SORCS2: variants seen among roughly 807,000 people sequenced by gnomAD.
SORCS2 encodes sortilin related VPS10 domain containing receptor 2, also known as VPS10 domain-containing receptor SorCS2.
A neutral mutation model predicts 141.6 loss-of-function variants in SORCS2; 100 were observed. The ratio of observed to expected loss-of-function variants is 0.71; its 90% CI spans 0.60 to 0.83. SORCS2 has a LOEUF of 0.83. Among genes scored for constraint, SORCS2 ranks in the 40% least tolerant of loss-of-function variants. The pLI, the probability that SORCS2 is intolerant of heterozygous loss-of-function variation, is 0.00. For synonymous variants in SORCS2, 789 were observed against 676.9 expected (o/e 1.17, Z -2.57); for missense variants, 1,646 against 1,560.2 (o/e 1.05, Z -0.93).
chr4:7,301,056 G>T (rs1021331325), intron 1 of SORCS2, among the ~76,000 whole-genome samples: 1 of 152,128 alleles, frequency 6.6e-6, no homozygotes, highest in Non-Finnish European at 1.5e-5. Context: ...TGGTTTAGCA[G>T]CATCTCCGTG....
At chr4:7,488,473 G>A (rs1461711267) in intron 2 of SORCS2, among the ~76,000 whole-genome samples, 1 of 152,202 alleles carries the variant, frequency 6.6e-6, no homozygotes, top group African/African-American at 2.4e-5. Flanking sequence ...TGGTGCAGGT[G>A]CCCCCTCTAC....
chr4:7,388,192 G>A (rs1298103072), intron 1 of SORCS2, among the ~76,000 whole-genome samples: 2 of 152,236 alleles, frequency 1.3e-5, no homozygotes, highest in Admixed American at 6.5e-5. Context: ...TAGACGGCCT[G>A]CAGAAGTCGG....
intron 2 of SORCS2, among the ~76,000 whole-genome samples, chr4:7,425,239 G>GATC (rs1726350655): frequency 6.6e-6 from 1 of 152,226 alleles, no homozygotes; most frequent in Non-Finnish European, 1.5e-5. Flanking sequence ...GATCGCTGTG[G>GATC]GGTGACCTTC....
intron 1 of SORCS2, among the ~76,000 whole-genome samples, chr4:7,247,846 G>T (rs1713214966): frequency 1.3e-5 from 2 of 152,248 alleles, no homozygotes; most frequent in African/African-American, 4.8e-5. Context: ...CTGGTGGGTG[G>T]GAAAGTGCTG....
chr4:7,271,828 A>G (rs919851223), intron 1 of SORCS2, among the ~76,000 whole-genome samples: 2 of 152,158 alleles, frequency 1.3e-5, no homozygotes, highest in African/African-American at 4.8e-5. Context: ...CCGAGACAGC[A>G]GAGAGAGTGG....
At chr4:7,390,416 G>A (rs1381643774) in intron 1 of SORCS2, among the ~76,000 whole-genome samples, 1 of 152,208 alleles carries the variant, frequency 6.6e-6, no homozygotes. Context: ...CTTGTCTTAA[G>A]AGGGGCACAT....
intron 2 of SORCS2, among the ~76,000 whole-genome samples, chr4:7,492,029 T>C (rs1731347356): frequency 6.6e-6 from 1 of 152,084 alleles, no homozygotes; most frequent in African/African-American, 2.4e-5. Context: ...GGCCTCTTCC[T>C]CCTCCCTCCT....
At chr4:7,313,530 G>T (rs145030492) in intron 1 of SORCS2, among the ~76,000 whole-genome samples, 2 of 152,182 alleles carry the variant, frequency 1.3e-5, no homozygotes, top group African/African-American at 2.4e-5. Flanking sequence ...TTCCAGGCAC[G>T]GGGAGGAAGG....
chr4:7,403,987 ATATATATATATTTTTTTTT>A (rs1190698478), intron 2 of SORCS2, among the ~76,000 whole-genome samples: 3 of 22,138 alleles, frequency 1.4e-4, no homozygotes, highest in Non-Finnish European at 3.3e-4. Context: ...ATATATATAT[ATATATATATATTTTTTTTT>A]TTTTTTTAGT....
At chr4:7,339,815 C>G (rs1487523458) in intron 1 of SORCS2, among the ~76,000 whole-genome samples, 2 of 152,192 alleles carry the variant, frequency 1.3e-5, no homozygotes, top group Non-Finnish European at 2.9e-5. Context: ...ATTTGCAAAT[C>G]CTGGGTTTGG....
At chr4:7,590,855 C>A (rs1006100576) in intron 3 of SORCS2, among the ~76,000 whole-genome samples, 1 of 152,210 alleles carries the variant, frequency 6.6e-6, no homozygotes, top group Admixed American at 6.5e-5. Flanking sequence ...TTGTGTTAGA[C>A]CACTGAGGTT....
intron 3 of SORCS2, among the ~76,000 whole-genome samples, chr4:7,595,977 C>T (rs539493828): frequency 3.5e-4 from 53 of 152,284 alleles, no homozygotes; most frequent in South Asian, 4.1e-4. Context: ...TTTCCCTTTC[C>T]CCAGCCTGCA....
At position 7,550,096 on chromosome 4, in the gene SORCS2, G is replaced by T. The variant is rs1317063037; in HGVS notation, c.648+18467G>T. Among the ~76,000 whole-genome samples the T allele has an allele frequency of 2.7e-5, 4 of 146,070 alleles. No homozygotes were observed. The East Asian group carries it at 6.0e-4, about 22-fold the overall frequency. The stretch of plus-strand genomic sequence containing the variant: ...CTCTTCACACCTGCCGGGAGCTGGT[G>T]TTTTTTTTTTTCCGTGTGTGTGTGT... On this transcript the variant is annotated intron_variant, in intron 3 of 26. Coordinates refer to ENST00000507866, the MANE Select transcript of SORCS2 (RefSeq NM_020777.3).
intron 2 of SORCS2, among the ~76,000 whole-genome samples, chr4:7,399,066 T>TG (rs981658538): frequency 1.7e-4 from 26 of 151,868 alleles, no homozygotes; most frequent in South Asian, 4.1e-4. Flanking sequence ...TTGCTTTTTT[T>TG]TTGTTGTTTG....
chr4:7,701,933 C>T (rs73794386), intron 12 of SORCS2, among the ~76,000 whole-genome samples: 4,081 of 152,242 alleles, frequency 0.027, 105 homozygotes, highest in East Asian at 0.092. Context: ...CATGAGGCCC[C>T]GTTAGGCTCT....
intron 1 of SORCS2, among the ~76,000 whole-genome samples, chr4:7,262,309 A>C (rs56114253): frequency 0.28 from 39,145 of 141,372 alleles, 7,035 homozygotes; most frequent in African/African-American, 0.53. Flanking sequence ...CATCCATCCA[A>C]CCACCTATCC....
intron 2 of SORCS2, among the ~76,000 whole-genome samples, chr4:7,504,927 C>G (rs1732186943): frequency 6.6e-6 from 1 of 152,198 alleles, no homozygotes; most frequent in Non-Finnish European, 1.5e-5. Flanking sequence ...GCTGATGCCC[C>G]CCGGCCACCT....
intron 3 of SORCS2, among the ~76,000 whole-genome samples, chr4:7,580,485 GAA>G (rs550783669): frequency 7.1e-6 from 1 of 140,476 alleles, no homozygotes; most frequent in Non-Finnish European, 1.6e-5. Flanking sequence ...GCAAGACTCA[GAA>G]AAAAAAAAAG....
At chr4:7,451,362 G>T (rs751359551) in intron 2 of SORCS2, among the ~76,000 whole-genome samples, 23 of 152,262 alleles carry the variant, frequency 1.5e-4, no homozygotes, top group Admixed American at 6.5e-5. Flanking sequence ...CCAAGCCACT[G>T]CCCTCCCTTG....
Sources: gnomAD v4.1 joint callset for allele counts (sites outside exome capture counted in the v4.1 genomes callset) on GRCh38, gnomAD v4.1.1 for gene constraint, MANE v1.5 for transcripts, NCBI Gene and HGNC (gene_info 2026-07-23, HGNC 2026-07-21) for gene names.